CBFA2T2: variants seen among roughly 807,000 people sequenced by gnomAD.
CBFA2T2 encodes the protein protein CBFA2T2.
A neutral mutation model predicts 62.2 loss-of-function variants in CBFA2T2; 11 were observed. That is an observed-to-expected ratio of 0.18 (90% confidence interval 0.11 to 0.29). The LOEUF (loss-of-function observed/expected upper bound fraction) is 0.29. CBFA2T2 is among the 10% of genes least tolerant of loss of function. The pLI, the probability that CBFA2T2 is intolerant of heterozygous loss-of-function variation, is 1.00. For synonymous variants in CBFA2T2, 295 were observed against 287.5 expected (o/e 1.03, Z -0.27); for missense variants, 592 against 774.1 (o/e 0.76, Z 2.79).
intron 1 of CBFA2T2, among the ~76,000 whole-genome samples, chr20:33,556,991 G>GT (rs886804396): frequency 7.5e-5 from 9 of 120,680 alleles, no homozygotes; most frequent in Non-Finnish European, 1.0e-4. Flanking sequence ...TGCCCAAGGT[G>GT]TTGCATGCTT....
rs1316816944 is a variant in CBFA2T2, at chr20:33,648,054, C to T, written c.*3408C>T. 2.0e-5 allele frequency: 3 copies of T among 152,268 alleles called. No homozygotes were observed. Among genetic ancestry groups the T allele is most frequent in the Non-Finnish European group, 4.4e-5 (3 of 68,070 alleles). The allele number at this position is 152,268 out of a possible 1,614,324, so 9.4% of individuals were successfully genotyped here. ...AGAGGCGCAGGAGCGAATCCAGGTT[C>T]CTTGCGTGGTTCCCAGCCTCTGCTG... On this transcript the variant is annotated 3_prime_UTR_variant, in exon 11 of 11. Transcript: ENST00000342704.
intron 1 of CBFA2T2, among the ~76,000 whole-genome samples, chr20:33,592,443 T>TAA (rs2014700729): frequency 6.7e-6 from 1 of 148,372 alleles, no homozygotes; most frequent in African/African-American, 2.4e-5. Context: ...TATAATTATG[T>TAA]AAATATATAT....
intron 1 of CBFA2T2, among the ~76,000 whole-genome samples, chr20:33,558,309 T>C (rs1415378886): frequency 6.6e-6 from 1 of 152,022 alleles, no homozygotes; most frequent in African/African-American, 2.4e-5. Context: ...TTTTTGTGGT[T>C]TTAGTAGAGA....
At chr20:33,542,943 G>A (rs1347167870) in intron 1 of CBFA2T2, among the ~76,000 whole-genome samples, 1 of 152,078 alleles carries the variant, frequency 6.6e-6, no homozygotes, top group Non-Finnish European at 1.5e-5. Flanking sequence ...TGGAATTACA[G>A]GCTTGAACCA....
At chr20:33,494,350 C>T (rs1219147778) in intron 1 of CBFA2T2, among the ~76,000 whole-genome samples, 1 of 115,054 alleles carries the variant, frequency 8.7e-6, no homozygotes, top group African/African-American at 3.5e-5. Flanking sequence ...GGCACGATCT[C>T]AGCTCACTGC....
At chr20:33,608,229 A>T (rs779818846) in intron 2 of CBFA2T2, among the ~76,000 whole-genome samples, 3 of 152,226 alleles carry the variant, frequency 2.0e-5, no homozygotes, top group Non-Finnish European at 2.9e-5. Flanking sequence ...TTCCATGCAC[A>T]TGCTGCCGTC....
chr20:33,570,318 A>G (rs1363129812), intron 1 of CBFA2T2, among the ~76,000 whole-genome samples: 1 of 152,172 alleles, frequency 6.6e-6, no homozygotes, highest in East Asian at 1.9e-4. Flanking sequence ...TAGAATTTGA[A>G]AAGCCCCTGG....
intron 3 of CBFA2T2, among the ~76,000 whole-genome samples, chr20:33,615,064 G>A (rs988662759): frequency 1.3e-5 from 2 of 152,226 alleles, no homozygotes; most frequent in Admixed American, 6.5e-5. Context: ...CATATGTGTG[G>A]TGTGTACCTG....
chr20:33,557,019 T>TA (rs1374320033), intron 1 of CBFA2T2, among the ~76,000 whole-genome samples: 1 of 130,498 alleles, frequency 7.7e-6, no homozygotes, highest in Non-Finnish European at 1.6e-5. Flanking sequence ...TTTTTTTTTT[T>TA]TTTTTTTTTT....
chr20:33,587,154 G>T lies in CBFA2T2; in HGVS notation c.35-19802G>T, dbSNP rs375486209. ...AGACGAGGTCTCCCTATGTTGTCCA[G>T]GCTGTTCTCAAACTCCTGAGCTCAG... is the stretch of plus-strand genomic sequence containing the variant. On this transcript the variant is annotated intron_variant, in intron 1 of 10. Coordinates refer to ENST00000342704, the MANE Select transcript of CBFA2T2 (RefSeq NM_001032999.3). Among the ~76,000 whole-genome samples, 14 of 152,254 alleles carry T rather than the reference G, an allele frequency of 9.2e-5. No individual in the cohort carries two copies. The East Asian group carries it at 2.5e-3, about 27-fold the overall frequency.
chr20:33,552,283 G>A (rs2012761880), intron 1 of CBFA2T2, among the ~76,000 whole-genome samples: 1 of 152,166 alleles, frequency 6.6e-6, no homozygotes, highest in African/African-American at 2.4e-5. Context: ...GAGACTACAT[G>A]GAAGAATAAT....
At chr20:33,554,408 C>T (rs998009914) in intron 1 of CBFA2T2, among the ~76,000 whole-genome samples, 1 of 151,310 alleles carries the variant, frequency 6.6e-6, no homozygotes, top group Non-Finnish European at 1.5e-5. Context: ...GCCACCTGGC[C>T]CAGCTAGGTT....
intron 1 of CBFA2T2, 78 bp downstream of exon 1, chr20:33,490,379 G>T (rs1281911560): frequency 5.8e-6 from 7 of 1,208,314 alleles, no homozygotes; most frequent in Admixed American, 8.3e-5. Flanking sequence ...GATTCCGAGT[G>T]CCCCGGGCGC....
intron 1 of CBFA2T2, among the ~76,000 whole-genome samples, chr20:33,555,973 C>T (rs1342490890): frequency 6.6e-6 from 1 of 152,214 alleles, no homozygotes; most frequent in African/African-American, 2.4e-5. Context: ...TCAGGCAATC[C>T]CCCAACCTCA....
chr20:33,564,200 C>G (rs2013196246), intron 1 of CBFA2T2, among the ~76,000 whole-genome samples: 1 of 151,518 alleles, frequency 6.6e-6, no homozygotes. Flanking sequence ...TAGTACTCTT[C>G]AATTTCTTCC....
intron 1 of CBFA2T2, among the ~76,000 whole-genome samples, chr20:33,570,098 G>A (rs1009263897): frequency 2.0e-5 from 3 of 152,168 alleles, no homozygotes; most frequent in Non-Finnish European, 4.4e-5. Flanking sequence ...ATCCAAAATG[G>A]TGAAGCCCCA....
At chr20:33,563,155 C>T (rs551742446) in intron 1 of CBFA2T2, among the ~76,000 whole-genome samples, 2 of 152,182 alleles carry the variant, frequency 1.3e-5, no homozygotes, top group East Asian at 1.9e-4. Context: ...AGCATCTCTT[C>T]GTTTTAGATA....
At chr20:33,510,793 A>G (rs1365466387) in intron 1 of CBFA2T2, among the ~76,000 whole-genome samples, 1 of 152,194 alleles carries the variant, frequency 6.6e-6, no homozygotes, top group Non-Finnish European at 1.5e-5. Flanking sequence ...CCTCTCCAGC[A>G]TCTGTTGTTT....
At chr20:33,587,010 C>T (rs189500301) in intron 1 of CBFA2T2, among the ~76,000 whole-genome samples, 6 of 152,206 alleles carry the variant, frequency 3.9e-5, no homozygotes, top group East Asian at 3.9e-4. Flanking sequence ...AGTGTGATCA[C>T]GGCTCACTGC....
Sources: gnomAD v4.1 joint callset for allele counts (sites outside exome capture counted in the v4.1 genomes callset) on GRCh38, gnomAD v4.1.1 for gene constraint, MANE v1.5 for transcripts, NCBI Gene and HGNC (gene_info 2026-07-23, HGNC 2026-07-21) for gene names.